Variants in PCSK2 observed in about 807,000 individuals in gnomAD.
The protein encoded by PCSK2 is neuroendocrine convertase 2.
In PCSK2, 14 loss-of-function variants were observed where a neutral mutation model predicts 69.7. The observed-to-expected ratio is 0.20, with a 90% CI of 0.13 to 0.31. PCSK2 has a LOEUF of 0.31. PCSK2 is among the 10% of genes least tolerant of loss of function. The probability of loss-of-function intolerance (pLI) is 1.00; values close to 1 mark genes in which losing one functional copy is unlikely to be tolerated. For synonymous variants in PCSK2, 307 were observed against 320.7 expected, an observed-to-expected ratio of 0.96 and a Z score of 0.46; for missense variants, 544 against 842.5, an observed-to-expected ratio of 0.65 and a Z score of 4.39.
At chr20:17,253,571 A>G (rs1987070884) in intron 1 of PCSK2, among the ~76,000 whole-genome samples, 1 of 152,172 alleles carries the variant, frequency 6.6e-6, no homozygotes, top group Non-Finnish European at 1.5e-5. Context: ...ATAATATTCC[A>G]TTGTACATAT....
intron 2 of PCSK2, among the ~76,000 whole-genome samples, chr20:17,292,823 G>A (rs960347834): frequency 6.6e-6 from 1 of 151,844 alleles, no homozygotes; most frequent in Non-Finnish European, 1.5e-5. Context: ...GTTTTCTGGG[G>A]TGTTTTTTTT....
intron 2 of PCSK2, among the ~76,000 whole-genome samples, chr20:17,316,222 T>C (rs1474599992): frequency 1.3e-5 from 2 of 152,218 alleles, no homozygotes; most frequent in Non-Finnish European, 2.9e-5. Flanking sequence ...TGCCTCTCTT[T>C]TTGCTACCCT....
At chr20:17,388,203 A>G (rs997192473) in intron 5 of PCSK2, among the ~76,000 whole-genome samples, 5 of 152,284 alleles carry the variant, frequency 3.3e-5, no homozygotes, top group Admixed American at 3.3e-4. Context: ...AACCGACTGT[A>G]TAAACTTTCT....
intron 1 of PCSK2, among the ~76,000 whole-genome samples, chr20:17,253,517 G>A (rs537528465): frequency 4.6e-5 from 7 of 152,212 alleles, no homozygotes; most frequent in African/African-American, 1.4e-4. Flanking sequence ...AGGTTCTTCC[G>A]TGTTTTTACC....
At chr20:17,369,126 G>T in intron 4 of PCSK2, 114 bp from the exon 5 acceptor site, 1 of 841,704 alleles carries the variant, frequency 1.2e-6, no homozygotes, top group East Asian at 2.6e-5. Context: ...TCACCCCCAT[G>T]GCAAGCCTTC....
intron 5 of PCSK2, among the ~76,000 whole-genome samples, chr20:17,377,859 A>G (rs2030972509): frequency 6.6e-6 from 1 of 152,252 alleles, no homozygotes; most frequent in Non-Finnish European, 1.5e-5. Context: ...CAGAAATGAA[A>G]CCTTGCTTAA....
intron 6 of PCSK2, among the ~76,000 whole-genome samples, chr20:17,411,427 C>A (rs1282846545): frequency 6.6e-6 from 1 of 152,174 alleles, no homozygotes; most frequent in Non-Finnish European, 1.5e-5. Context: ...TTGCTCACTG[C>A]TAGTGCAGCA....
intron 2 of PCSK2, among the ~76,000 whole-genome samples, chr20:17,296,179 TC>T (rs1366077819): frequency 6.6e-6 from 1 of 152,100 alleles, no homozygotes; most frequent in African/African-American, 2.4e-5. Context: ...CAAAGCAGGC[TC>T]CCTTGGGCCA....
intron 2 of PCSK2, among the ~76,000 whole-genome samples, chr20:17,281,218 T>C (rs899412102): frequency 6.6e-6 from 1 of 152,224 alleles, no homozygotes; most frequent in Admixed American, 6.5e-5. Flanking sequence ...AACCTCTTTG[T>C]CCTCCTAACT....
intron 2 of PCSK2, among the ~76,000 whole-genome samples, chr20:17,325,621 A>AACCAATGG (rs1990023190): frequency 6.6e-6 from 1 of 152,266 alleles, no homozygotes; most frequent in Non-Finnish European, 1.5e-5. Context: ...GGATAAAAAC[A>AACCAATGG]ACAATCATTG....
chr20:17,338,284 C>T (rs941763729), intron 2 of PCSK2, among the ~76,000 whole-genome samples: 1 of 151,984 alleles, frequency 6.6e-6, no homozygotes, highest in Non-Finnish European at 1.5e-5. Flanking sequence ...GCAACCTCCG[C>T]CTCCCAGGTT....
intron 2 of PCSK2, among the ~76,000 whole-genome samples, chr20:17,304,372 AAC>A (rs1451062601): frequency 6.6e-6 from 1 of 152,210 alleles, no homozygotes; most frequent in Non-Finnish European, 1.5e-5. Flanking sequence ...GAGAGAAAGT[AAC>A]AGTATATTTT....
intron 11 of PCSK2, among the ~76,000 whole-genome samples, chr20:17,471,552 C>T (rs975192343): frequency 2.0e-5 from 3 of 152,174 alleles, no homozygotes; most frequent in African/African-American, 2.4e-5. Flanking sequence ...CAGCAGCAGC[C>T]GGACACAAGG....
At chr20:17,408,000 G>C (rs1428063609) in intron 5 of PCSK2, among the ~76,000 whole-genome samples, 1 of 152,156 alleles carries the variant, frequency 6.6e-6, no homozygotes, top group African/African-American at 2.4e-5. Context: ...GGAATTAGTG[G>C]AGTTGCTCTT....
chr20:17,274,070 G>C (rs1334392644), intron 2 of PCSK2, among the ~76,000 whole-genome samples: 2 of 152,166 alleles, frequency 1.3e-5, no homozygotes, highest in African/African-American at 4.8e-5. Flanking sequence ...AGGAAGGAGA[G>C]ACAAACTGGA....
At chr20:17,265,010 C>T (rs946448227) in intron 2 of PCSK2, among the ~76,000 whole-genome samples, 7 of 152,092 alleles carry the variant, frequency 4.6e-5, no homozygotes, top group African/African-American at 7.2e-5. Context: ...ATTATAGGTG[C>T]GTGACACCAC....
At chr20:17,442,577 G>C (rs73102557) in intron 8 of PCSK2, among the ~76,000 whole-genome samples, 46,901 of 151,948 alleles carry the variant, frequency 0.31, 8,549 homozygotes, top group South Asian at 0.57. Flanking sequence ...TCTAGTTCAG[G>C]ACCTTGAGAA....
intron 6 of PCSK2, 152 bp downstream of exon 6, chr20:17,409,491 A>C: frequency 1.6e-6 from 1 of 606,084 alleles, no homozygotes; most frequent in Non-Finnish European, 3.0e-6. Context: ...ACATTCTCTA[A>C]AGTGAAATTT....
intron 2 of PCSK2, among the ~76,000 whole-genome samples, chr20:17,356,704 T>C (rs2030209115): frequency 1.3e-5 from 2 of 152,162 alleles, no homozygotes; most frequent in African/African-American, 4.8e-5. Flanking sequence ...GGGCTCACAA[T>C]CAATGGGCAG....
Sources: allele counts gnomAD v4.1 joint callset (sites outside exome capture counted in the v4.1 genomes callset), GRCh38; gene constraint gnomAD v4.1.1; transcripts MANE v1.5; gene names NCBI Gene and HGNC (gene_info 2026-07-23, HGNC 2026-07-21).